CHLSN: variants seen among roughly 807,000 people sequenced by gnomAD.
The protein encoded by CHLSN is cholesin.
At chr7:1,075,559 C>T in the CHLSN span, among the ~76,000 whole-genome samples, 2 of 151,032 alleles carry the variant, frequency 1.3e-5, no homozygotes, top group African/African-American at 2.4e-5. Context: ...AAGAAACAAC[C>T]GTTTTAGGGC....
At chr7:1,089,363 C>T in the CHLSN span, among the ~76,000 whole-genome samples, 55 of 152,296 alleles carry the variant, frequency 3.6e-4, no homozygotes, top group Middle Eastern at 6.8e-3. Flanking sequence ...CTTCCCCACC[C>T]GCCTGTTTTT....
the CHLSN span, among the ~76,000 whole-genome samples, chr7:1,082,898 C>T: frequency 2.0e-5 from 3 of 152,188 alleles, no homozygotes; most frequent in East Asian, 5.8e-4. Flanking sequence ...AAAGGGTTCA[C>T]GATGTCTTAC....
the CHLSN span, among the ~76,000 whole-genome samples, chr7:1,004,951 AC>A: frequency 2.0e-5 from 3 of 152,088 alleles, no homozygotes; most frequent in African/African-American, 4.8e-5. Flanking sequence ...TGTGGTACTC[AC>A]CAGCTGGGTG....
At chr7:1,100,001 G>T in the CHLSN span, among the ~76,000 whole-genome samples, 1 of 152,220 alleles carries the variant, frequency 6.6e-6, no homozygotes, top group Admixed American at 6.5e-5. Context: ...TGGACAACTG[G>T]ATAATCCACT....
chr7:1,012,104 C>A, the CHLSN span, among the ~76,000 whole-genome samples: 15 of 152,272 alleles, frequency 9.9e-5, no homozygotes, highest in Admixed American at 7.9e-4. Flanking sequence ...AAGGTAAAAA[C>A]CCTCCTGGCA....
At chr7:1,028,202 G>A in the CHLSN span, 3 of 1,005,684 alleles carry the variant, frequency 3.0e-6, no homozygotes, top group South Asian at 3.2e-5. Flanking sequence ...CTGGGGCAGG[G>A]CCCCTCCCAT....
chr7:1,053,317 G>A, the CHLSN span, among the ~76,000 whole-genome samples: 1 of 152,226 alleles, frequency 6.6e-6, no homozygotes, highest in African/African-American at 2.4e-5. Context: ...CGGCGGGGGA[G>A]GGGCGTCCAC....
At chr7:1,137,480 AGGAAGGAAAC>A in the CHLSN span, 1 of 152,352 alleles carries the variant, frequency 6.6e-6, no homozygotes, top group Non-Finnish European at 1.5e-5. Context: ...GAATGACGGA[AGGAAGGAAAC>A]GGAAAGCATG....
the CHLSN span, among the ~76,000 whole-genome samples, chr7:1,006,565 C>T: frequency 3.3e-5 from 5 of 149,440 alleles, no homozygotes; most frequent in Admixed American, 2.7e-4. Flanking sequence ...AGGGAAAGAG[C>T]GCACGACGGC....
At chr7:1,115,405 C>G in the CHLSN span, among the ~76,000 whole-genome samples, 4 of 152,250 alleles carry the variant, frequency 2.6e-5, no homozygotes, top group African/African-American at 9.6e-5. Context: ...ACACAGAGAA[C>G]AGGAAATCAG....
the CHLSN span, chr7:988,917 T>C: frequency 2.5e-6 from 2 of 804,318 alleles, no homozygotes; most frequent in Non-Finnish European, 3.8e-6. Flanking sequence ...CGGACTGCTC[T>C]GGGAGGGCCC....
At chr7:1,087,224 C>G in the CHLSN span, 4 of 152,218 alleles carry the variant, frequency 2.6e-5, no homozygotes, top group African/African-American at 9.7e-5. Context: ...GGGGAAGAGG[C>G]CACCAACATC....
At chr7:1,098,664 GCCACGC>G in the CHLSN span, among the ~76,000 whole-genome samples, 1 of 146,700 alleles carries the variant, frequency 6.8e-6, no homozygotes, top group Non-Finnish European at 1.5e-5. Context: ...GAGTGGAGCT[GCCACGC>G]TCGGTGAGAT....
At chr7:1,106,701 G>A in the CHLSN span, among the ~76,000 whole-genome samples, 1 of 152,226 alleles carries the variant, frequency 6.6e-6, no homozygotes, top group African/African-American at 2.4e-5. Context: ...TACTGGCTGT[G>A]GGGTGCGGCC....
chr7:1,012,823 C>T, the CHLSN span, among the ~76,000 whole-genome samples: 34 of 152,240 alleles, frequency 2.2e-4, no homozygotes, highest in Non-Finnish European at 3.5e-4. Flanking sequence ...TGCTCGCGCT[C>T]GCTGCCTTGG....
the CHLSN span, among the ~76,000 whole-genome samples, chr7:982,627 A>G: frequency 5.3e-5 from 8 of 152,248 alleles, no homozygotes; most frequent in Non-Finnish European, 5.9e-5. Flanking sequence ...AGGGAGATGC[A>G]GGTGGTGGCC....
the CHLSN span, chr7:985,277 G>C: frequency 5.3e-5 from 82 of 1,551,778 alleles, no homozygotes; most frequent in African/African-American, 1.0e-3. Context: ...TCCCTGCTGG[G>C]TCTCATCGAT....
At chr7:1,083,282 A>G in the CHLSN span, among the ~76,000 whole-genome samples, 1 of 152,214 alleles carries the variant, frequency 6.6e-6, no homozygotes, top group Non-Finnish European at 1.5e-5. Context: ...GACGGGCCAG[A>G]TGGTCTCTGA....
the CHLSN span, among the ~76,000 whole-genome samples, chr7:999,330 C>T: frequency 5.3e-5 from 8 of 152,230 alleles, no homozygotes; most frequent in Admixed American, 1.3e-4. Flanking sequence ...CTGCGCCGGG[C>T]GTGAGGGTTT....
Sources: allele counts gnomAD v4.1 joint callset (sites outside exome capture counted in the v4.1 genomes callset), GRCh38; gene constraint gnomAD v4.1.1; transcripts MANE v1.5; gene names NCBI Gene and HGNC (gene_info 2026-07-23, HGNC 2026-07-21).